Variants in TLL1 observed in about 807,000 individuals in gnomAD.
The protein encoded by TLL1 is tolloid like 1.
A neutral mutation model predicts 128.2 loss-of-function variants in TLL1; 49 were observed. The observed-to-expected ratio is 0.38, with a 90% confidence interval of 0.30 to 0.48. TLL1 has a LOEUF of 0.48. Ranked by LOEUF, TLL1 falls within the 20% of genes least tolerant of loss-of-function variation. TLL1 has a pLI of 0.96. For synonymous variants in TLL1, 454 were observed against 418.8 expected, an observed-to-expected ratio of 1.08 and a Z score of -1.03; for missense variants, 1,123 against 1,242.0, an observed-to-expected ratio of 0.90 and a Z score of 1.44.
intron 8 of TLL1, among the ~76,000 whole-genome samples, chr4:166,022,483 A>T (rs1222288467): frequency 2.0e-5 from 3 of 152,040 alleles, no homozygotes; most frequent in Admixed American, 2.0e-4. Flanking sequence ...GGCCAAGTTT[A>T]TCTGTTGCTT....
rs1010532930 is a variant in TLL1 at position 165,873,840 on chromosome 4, T to A, written c.-65T>A. On this transcript the variant is annotated 5_prime_UTR_variant, in exon 1 of 21. Transcript: ENST00000061240. ...GCACCGGTGCCCCTAGCCCCGCACATCAGCGCGGACCGCGGCTGCCTAACC... is the reference window on the plus strand; with the variant it reads ...GCACCGGTGCCCCTAGCCCCGCACAACAGCGCGGACCGCGGCTGCCTAACC... The A allele has an allele frequency of 3.1e-6, 5 of 1,593,204 alleles. No individual in the cohort carries two copies. The African/African-American group carries it at 5.4e-5, about 17-fold the overall frequency.
chr4:165,903,400 G>A (rs543598886), intron 1 of TLL1, among the ~76,000 whole-genome samples: 93 of 149,388 alleles, frequency 6.2e-4, no homozygotes, highest in Non-Finnish European at 1.1e-3. Flanking sequence ...TAAAAGGGTA[G>A]ATCTTTTTCT....
chr4:165,933,160 C>T (rs1733606711), intron 1 of TLL1, among the ~76,000 whole-genome samples: 1 of 152,140 alleles, frequency 6.6e-6, no homozygotes, highest in South Asian at 2.1e-4. Context: ...GTACTTAAAG[C>T]ATCAAGTTAT....
chr4:165,889,414 T>C (rs991373202), intron 1 of TLL1, among the ~76,000 whole-genome samples: 2 of 152,240 alleles, frequency 1.3e-5, no homozygotes, highest in Non-Finnish European at 2.9e-5. Context: ...GTTTTTTGAA[T>C]TATTTGTAAA....
intron 1 of TLL1, among the ~76,000 whole-genome samples, chr4:165,952,788 T>C (rs1579533216): frequency 1.3e-5 from 2 of 152,168 alleles, no homozygotes; most frequent in East Asian, 3.9e-4. Flanking sequence ...AATCAATGTT[T>C]TCAAAAGTCA....
chr4:166,042,963 C>T (rs1428407918), intron 11 of TLL1, among the ~76,000 whole-genome samples: 1 of 152,126 alleles, frequency 6.6e-6, no homozygotes, highest in Non-Finnish European at 1.5e-5. Context: ...CAGAGAATCA[C>T]AGAACAAACT....
intron 9 of TLL1, among the ~76,000 whole-genome samples, chr4:166,026,776 A>G (rs1432914988): frequency 6.6e-6 from 1 of 152,204 alleles, no homozygotes; most frequent in Non-Finnish European, 1.5e-5. Context: ...AGAAAGCACA[A>G]TTATCTAACA....
At chr4:165,973,734 C>A (rs577136587) in intron 1 of TLL1, among the ~76,000 whole-genome samples, 1 of 151,248 alleles carries the variant, frequency 6.6e-6, no homozygotes, top group South Asian at 2.1e-4. Flanking sequence ...GGTACAATCT[C>A]GGCTCACTGC....
rs758162016 is a variant in TLL1 at position 165,923,421 on chromosome 4, C to CTTTTTT, written c.169+49368_169+49373dup. Among the ~76,000 whole-genome samples the CTTTTTT allele has an allele frequency of 3.7e-3, 264 of 70,850 alleles. 17 individuals carry two copies. Among genetic ancestry groups the CTTTTTT allele is most frequent in the African/African-American group, 7.4e-3 (140 of 18,954 alleles). 46.5% of individuals were successfully genotyped at this position (70,850 alleles called of 152,430 possible). A position where few individuals can be genotyped will look rare whatever the true frequency, so the allele number is the denominator to read the frequency against. On this transcript the variant is annotated intron_variant, in intron 1 of 20. Coordinates refer to ENST00000061240, the MANE Select transcript of TLL1 (RefSeq NM_012464.5). ...AAGTGCATCGGAAATATAGGTATAC[C>CTTTTTT]TTTTTTTTTTTTTTTTTTTTTTTTT...
chr4:166,048,676 A>G lies in TLL1; in HGVS notation c.1524+5257A>G, dbSNP rs368552576. Among the ~76,000 whole-genome samples, 3 of 152,348 alleles carry G rather than the reference A, an allele frequency of 2.0e-5. No individual in the cohort carries two copies. In the South Asian group the frequency reaches 6.2e-4, roughly 32 times the overall value. On this transcript the variant is annotated intron_variant, in intron 12 of 20. Coordinates refer to ENST00000061240, the MANE Select transcript of TLL1 (RefSeq NM_012464.5). ...AGAGAAAAAGTTTGGAAGGCTGGAA[A>G]TGTTTACAGTAACAACTTCAAAGGA...
intron 1 of TLL1, among the ~76,000 whole-genome samples, chr4:165,979,190 GTA>G (rs1736026231): frequency 6.6e-6 from 1 of 151,962 alleles, no homozygotes; most frequent in African/African-American, 2.4e-5. Context: ...GACTACCTAG[GTA>G]TATATCCTAG....
intron 1 of TLL1, among the ~76,000 whole-genome samples, chr4:165,988,128 C>CAGT (rs1440964586): frequency 9.9e-5 from 15 of 152,032 alleles, no homozygotes; most frequent in Admixed American, 3.9e-4. Flanking sequence ...TTGACTCTGG[C>CAGT]AGTACTAAGG....
chr4:165,909,746 T>C lies in TLL1; in HGVS notation c.169+35673T>C, dbSNP rs142698475. Among the ~76,000 whole-genome samples the C allele has an allele frequency of 3.2e-3, 483 of 152,266 alleles. 7 individuals are homozygous for C. Among genetic ancestry groups the C allele is most frequent in the African/African-American group, 0.011 (443 of 41,536 alleles). ...AAAAGTCCATAATAAAACACTATAG[T>C]GATCAAACATTTTTATTTATGGGAT... On this transcript the variant is annotated intron_variant, in intron 1 of 20. Coordinates refer to ENST00000061240, the MANE Select transcript of TLL1 (RefSeq NM_012464.5).
At chr4:165,891,873 G>T (rs1374804434) in intron 1 of TLL1, among the ~76,000 whole-genome samples, 1 of 152,100 alleles carries the variant, frequency 6.6e-6, no homozygotes, top group Non-Finnish European at 1.5e-5. Flanking sequence ...CACATTTCCA[G>T]GTATCTTTAC....
At chr4:166,085,387 C>T (rs373517924) in intron 18 of TLL1, among the ~76,000 whole-genome samples, 1 of 151,018 alleles carries the variant, frequency 6.6e-6, no homozygotes, top group Non-Finnish European at 1.5e-5. Context: ...CAGCTTTTCT[C>T]GGTTGACTAT....
At chr4:166,001,171 A>T (rs1015571549) in intron 5 of TLL1, among the ~76,000 whole-genome samples, 2 of 152,080 alleles carry the variant, frequency 1.3e-5, no homozygotes, top group African/African-American at 4.8e-5. Context: ...TTCTCTTCCA[A>T]TTTAATATAT....
intron 5 of TLL1, among the ~76,000 whole-genome samples, chr4:165,996,687 T>G (rs1736896888): frequency 6.6e-6 from 1 of 152,114 alleles, no homozygotes; most frequent in Non-Finnish European, 1.5e-5. Context: ...TGTTAAGAAT[T>G]TTTCTTTTAC....
chr4:166,096,889 G>A (rs1193070587), intron 19 of TLL1, among the ~76,000 whole-genome samples: 3 of 152,036 alleles, frequency 2.0e-5, no homozygotes, highest in Admixed American at 1.3e-4. Context: ...AAGATTAATA[G>A]TGCTTTAAAT....
At chr4:166,003,060 A>T (rs948135567) in intron 5 of TLL1, among the ~76,000 whole-genome samples, 1 of 152,198 alleles carries the variant, frequency 6.6e-6, no homozygotes, top group African/African-American at 2.4e-5. Context: ...TGTCTTAGAA[A>T]TACAACATCG....
Sources: gnomAD v4.1 joint callset for allele counts (sites outside exome capture counted in the v4.1 genomes callset) on GRCh38, gnomAD v4.1.1 for gene constraint, MANE v1.5 for transcripts, NCBI Gene and HGNC (gene_info 2026-07-23, HGNC 2026-07-21) for gene names.